The following PARD3B variants were observed in gnomAD, a reference collection of about 807,000 sequenced individuals.
PARD3B encodes partitioning defective 3 homolog B.
A neutral mutation model predicts 130.2 loss-of-function variants in PARD3B; 103 were observed. The observed-to-expected ratio is 0.79, with a 90% CI of 0.67 to 0.93. The LOEUF is 0.93. Ranked by LOEUF, PARD3B falls within the 40% of genes least tolerant of loss-of-function variation. The probability of loss-of-function intolerance (pLI) is 0.00; values close to 1 mark genes in which losing one functional copy is unlikely to be tolerated. For synonymous variants in PARD3B, 583 were observed against 553.2 expected (o/e 1.05, Z -0.76); for missense variants, 1,609 against 1,499.2 (o/e 1.07, Z -1.21).
At chr2:204,676,964 G>T (rs376216768) in intron 1 of PARD3B, among the ~76,000 whole-genome samples, 5 of 152,198 alleles carry the variant, frequency 3.3e-5, no homozygotes, top group East Asian at 3.9e-4. Flanking sequence ...CACCGCACCC[G>T]GCCAAGATTG....
At chr2:204,829,983 A>C (rs2125564065) in intron 2 of PARD3B, among the ~76,000 whole-genome samples, 1 of 131,032 alleles carries the variant, frequency 7.6e-6, no homozygotes, top group African/African-American at 3.0e-5. Flanking sequence ...TGGGCGACAG[A>C]GCGAGACTCC....
intron 2 of PARD3B, among the ~76,000 whole-genome samples, chr2:204,818,946 G>A (rs1049266842): frequency 2.0e-5 from 3 of 152,150 alleles, no homozygotes; most frequent in African/African-American, 7.2e-5. Flanking sequence ...TGTTAAGTAA[G>A]CTAGAGTGAG....
In PARD3B at chr2:205,301,361, A is replaced by G; in HGVS notation, c.2393-103A>G. The G allele has an allele frequency of 6.6e-7, 1 of 1,513,964 alleles. No individual in the cohort carries two copies. The allele number at this position is 1,513,964 out of a possible 1,614,324, so 93.8% of individuals were successfully genotyped here. A position where few individuals can be genotyped will look rare whatever the true frequency, so the allele number is the denominator to read the frequency against. On this transcript the variant is annotated intron_variant, in intron 17 of 22. Coordinates refer to ENST00000406610, the MANE Select transcript of PARD3B (RefSeq NM_001302769.2). The surrounding 1 kb of genome is among the most constrained non-coding windows in gnomAD (Gnocchi z 5.2). ...ACCACATAGAAGGGTAGAACTACAG[A>G]GTGCTGTTATTCATTCTTTTGCATT...
At chr2:204,694,783 T>C (rs1050604013) in intron 2 of PARD3B, among the ~76,000 whole-genome samples, 7 of 152,020 alleles carry the variant, frequency 4.6e-5, no homozygotes, top group Admixed American at 4.6e-4. Flanking sequence ...ACAACTATAG[T>C]GTGTATGGGT....
chr2:204,752,978 A>C (rs1430774354), intron 2 of PARD3B, among the ~76,000 whole-genome samples: 1 of 152,218 alleles, frequency 6.6e-6, no homozygotes, highest in Non-Finnish European at 1.5e-5. Context: ...TTATCTGCTT[A>C]CTAAATGTAT....
chr2:205,207,647 A>T (rs1439737296), intron 15 of PARD3B, among the ~76,000 whole-genome samples: 7 of 143,504 alleles, frequency 4.9e-5, no homozygotes, highest in Non-Finnish European at 9.0e-5. Flanking sequence ...CGACACATAC[A>T]ATCTCCCAAG....
At chr2:205,328,328 G>A (rs759989571) in intron 18 of PARD3B, among the ~76,000 whole-genome samples, 2 of 152,104 alleles carry the variant, frequency 1.3e-5, no homozygotes, top group Non-Finnish European at 2.9e-5. Context: ...TGTTGCTAAT[G>A]TTATGGTAAT....
intron 2 of PARD3B, among the ~76,000 whole-genome samples, chr2:204,901,189 G>A (rs2046845828): frequency 6.6e-6 from 1 of 152,132 alleles, no homozygotes; most frequent in African/African-American, 2.4e-5. Flanking sequence ...CTTCAGGGCA[G>A]TGATTTCCCC....
In PARD3B at chr2:204,953,210, T is replaced by C. The variant is rs535662950; in HGVS notation, c.223-11942T>C. Among the ~76,000 whole-genome samples the C allele has an allele frequency of 3.3e-5, 5 of 152,154 alleles. No individual in the cohort carries two copies. The South Asian group carries it at 1.0e-3, about 32-fold the overall frequency. ...TATGCAGAGACAACCTACACTTTCG[T>C]ATGTCTGGAATGGGAGAATGCTACA... is the stretch of plus-strand genomic sequence containing the variant. On this transcript the variant is annotated intron_variant, in intron 2 of 22. Coordinates refer to ENST00000406610, the MANE Select transcript of PARD3B (RefSeq NM_001302769.2).
intron 19 of PARD3B, among the ~76,000 whole-genome samples, chr2:205,414,956 CAG>C (rs779906730): frequency 2.0e-5 from 3 of 151,814 alleles, no homozygotes; most frequent in South Asian, 2.1e-4. Context: ...AAAAAAAACA[CAG>C]AGTCAAGATA....
At chr2:205,123,348 G>T (rs1192375212) in intron 8 of PARD3B, among the ~76,000 whole-genome samples, 3 of 152,150 alleles carry the variant, frequency 2.0e-5, no homozygotes, top group Non-Finnish European at 4.4e-5. Flanking sequence ...GTCAGGATCT[G>T]GACTGGAGAG....
At chr2:205,449,934 A>T (rs1468863305) in intron 20 of PARD3B, among the ~76,000 whole-genome samples, 2 of 152,218 alleles carry the variant, frequency 1.3e-5, no homozygotes, top group African/African-American at 4.8e-5. Context: ...TGTATGTGGG[A>T]TATGTTGTAA....
chr2:204,546,332 T>C (rs1338410955), intron 1 of PARD3B, among the ~76,000 whole-genome samples: 2 of 152,132 alleles, frequency 1.3e-5, no homozygotes, highest in Non-Finnish European at 2.9e-5. Flanking sequence ...ACCTGCAGCA[T>C]TGGAATCTCT....
chr2:205,294,657 T>C (rs1208047600), intron 16 of PARD3B, among the ~76,000 whole-genome samples: 1 of 152,194 alleles, frequency 6.6e-6, no homozygotes, highest in Non-Finnish European at 1.5e-5. Flanking sequence ...GGAGAGATTA[T>C]GCAAATGTAT....
chr2:204,684,295 G>A (rs1221481635), intron 1 of PARD3B, among the ~76,000 whole-genome samples: 3 of 152,042 alleles, frequency 2.0e-5, no homozygotes, highest in Non-Finnish European at 4.4e-5. Context: ...AAACTCTTTA[G>A]AATACATTAC....
In PARD3B at chr2:205,125,723, CT is replaced by C; in HGVS notation, c.1421del (p.Leu474ArgfsTer5). The C allele has an allele frequency of 6.2e-7, 1 of 1,614,142 alleles. No individual in the cohort carries two copies. The highest frequency in any genetic ancestry group is 8.5e-7 in the Non-Finnish European group (1 of 1,180,040). ...LVIARQEGHF[L>X]PRELKGEPDC... is the part of the protein sequence containing the mutation. ...CATTGCCCGCCAAGAAGGACATTTT[CT>C]GCCCCGAGAGTTGGTAATGTTCAGA... On this transcript the variant is annotated frameshift_variant, in exon 10 of 23. Transcript: ENST00000406610. LOFTEE classifies it high-confidence loss of function. This position sits in a 1 kb window ranked among gnomAD's most constrained non-coding sequence, Gnocchi z 4.0.
intron 1 of PARD3B, among the ~76,000 whole-genome samples, chr2:204,627,104 AC>A (rs2034514013): frequency 6.6e-6 from 1 of 151,958 alleles, no homozygotes; most frequent in Non-Finnish European, 1.5e-5. Context: ...CTTTCCTGCC[AC>A]CTTGTGAAAA....
chr2:204,554,794 C>G (rs936992439), intron 1 of PARD3B, among the ~76,000 whole-genome samples: 1 of 152,150 alleles, frequency 6.6e-6, no homozygotes, highest in African/African-American at 2.4e-5. Flanking sequence ...GCTACATGAT[C>G]TGACTATCTG....
intron 18 of PARD3B, among the ~76,000 whole-genome samples, chr2:205,399,492 C>T (rs201485117): frequency 7.6e-4 from 115 of 151,598 alleles, no homozygotes; most frequent in Non-Finnish European, 1.2e-3. Flanking sequence ...GTAACTGGGA[C>T]TACAGGCATG....
Sources: gnomAD v4.1 joint callset for allele counts (sites outside exome capture counted in the v4.1 genomes callset) on GRCh38, gnomAD v4.1.1 for gene constraint, Gnocchi (gnomAD v3.1) non-coding constraint, MANE v1.5 for transcripts, NCBI Gene and HGNC (gene_info 2026-07-23, HGNC 2026-07-21) for gene names.